DHX35: variants seen among roughly 807,000 people sequenced by gnomAD.
The protein encoded by DHX35 is DEAH-box helicase 35, also known as probable ATP-dependent RNA helicase DHX35.
In DHX35, 84 loss-of-function variants were observed where a neutral mutation model predicts 99.6. That is an observed-to-expected ratio of 0.84 (90% CI 0.71 to 1.01). DHX35 has a LOEUF of 1.01. DHX35 is among the 50% of genes least tolerant of loss of function. The pLI is 0.00. For missense variants in DHX35, 852 were observed against 888.5 expected (o/e 0.96, Z 0.52); for synonymous variants, 331 against 316.2 (o/e 1.05, Z -0.50).
intron 12 of DHX35, among the ~76,000 whole-genome samples, chr20:39,008,353 T>C (rs572016924): frequency 6.6e-6 from 1 of 152,396 alleles, no homozygotes; most frequent in East Asian, 1.9e-4. Flanking sequence ...TGCATGTACA[T>C]GTACTTGAGT....
In DHX35 at chr20:38,994,832, G is replaced by A. The variant is rs138439300; in HGVS notation, c.594G>A (p.Lys198=). The change falls in exon 8 of 22, where the codon AAG becomes AAA. Residue 198 remains lysine, a synonymous_variant. Coordinates refer to ENST00000252011, the MANE Select transcript of DHX35 (RefSeq NM_021931.4). ...AIGLLKKIQK[K]RGDLRLIVAS... ...GTCTTCTTTTTTAGATTCAGAAAAAGCGAGGGGATCTTCGATTGATTGTAG... is the reference window on the plus strand; with the variant it reads ...GTCTTCTTTTTTAGATTCAGAAAAAACGAGGGGATCTTCGATTGATTGTAG... 1,100 of 1,613,354 alleles carry A rather than the reference G, an allele frequency of 6.8e-4. 1 individual carries two copies. The highest frequency in any genetic ancestry group is 7.5e-4 in the Non-Finnish European group (889 of 1,179,600).
At chr20:38,981,264 C>G (rs759353810) in intron 3 of DHX35, among the ~76,000 whole-genome samples, 1 of 152,042 alleles carries the variant, frequency 6.6e-6, no homozygotes, top group East Asian at 1.9e-4. Context: ...TTTAGTATCC[C>G]CCTCAGTGGA....
Position 39,014,969 on chromosome 20 carries a change from T to C in DHX35, c.1402+35T>C, listed in dbSNP as rs771135154. 11 of 1,612,882 alleles carry C rather than the reference T, an allele frequency of 6.8e-6. No individual in the cohort carries two copies. In the South Asian group the frequency reaches 1.1e-4, roughly 16 times the overall value. The stretch of plus-strand genomic sequence containing the variant: ...TTTCTCTCATCATTCTCTCTTATTA[T>C]GTGTTGTCTTTTGTGATATTAGTGA... On this transcript the variant is annotated intron_variant, in intron 14 of 21. Transcript: ENST00000252011.
chr20:38,973,829 C>A (rs566740047), intron 3 of DHX35, among the ~76,000 whole-genome samples: 2 of 152,178 alleles, frequency 1.3e-5, no homozygotes, highest in Non-Finnish European at 2.9e-5. Context: ...AGAGACCCTA[C>A]GATCCTCAAA....
At chr20:38,994,441 T>G (rs2086392543) in intron 7 of DHX35, among the ~76,000 whole-genome samples, 1 of 152,200 alleles carries the variant, frequency 6.6e-6, no homozygotes, top group Non-Finnish European at 1.5e-5. Flanking sequence ...ATTTATTGTT[T>G]GTTTGCTTTT....
chr20:39,015,064 C>A, intron 14 of DHX35, 130 bp downstream of exon 14: 1 of 1,006,714 alleles, frequency 9.9e-7, no homozygotes, highest in South Asian at 1.4e-5. Flanking sequence ...ATATAATCCC[C>A]CTAATGATAC....
At chr20:39,034,357 C>CA in intron 21 of DHX35, 40 bp downstream of exon 21, 1 of 1,487,474 alleles carries the variant, frequency 6.7e-7, no homozygotes, top group Admixed American at 1.7e-5. Flanking sequence ...CACCTGTTCA[C>CA]AGCCTCTCCA....
chr20:39,028,986 G>A (rs147664460), intron 19 of DHX35, among the ~76,000 whole-genome samples: 87 of 152,252 alleles, frequency 5.7e-4, no homozygotes, highest in African/African-American at 2.0e-3. Flanking sequence ...GATTCTTCCA[G>A]TTCCATTTTC....
At chr20:39,020,934 A>G (rs1170440117) in intron 15 of DHX35, among the ~76,000 whole-genome samples, 1 of 152,082 alleles carries the variant, frequency 6.6e-6, no homozygotes, top group Non-Finnish European at 1.5e-5. Flanking sequence ...AAGTGCTGGG[A>G]TTACAGGTGT....
rs376370344 is a variant in DHX35, at chr20:38,988,377, C to T, written c.346-436C>T. 1.6e-4 allele frequency among the ~76,000 whole-genome samples: 24 copies of T among 152,272 alleles called. No homozygotes were observed. In the East Asian group the frequency reaches 4.2e-3, roughly 27 times the overall value. On this transcript the variant is annotated intron_variant, in intron 4 of 21. Coordinates refer to ENST00000252011, the MANE Select transcript of DHX35 (RefSeq NM_021931.4). ...GGGTGTGGTGGCTCACGCCTGTAAT[C>T]CCTGTACTTTGAGAGGCTGAGGCGG...
At chr20:39,030,611 C>A in intron 19 of DHX35, 93 bp from the exon 20 acceptor site, 2 of 1,202,220 alleles carry the variant, frequency 1.7e-6, no homozygotes, top group Non-Finnish European at 2.4e-6. Flanking sequence ...GTTCAGTCTG[C>A]ATGCTTTTTT....
chr20:38,997,050 ATTTATTTATT>A (rs1224012826), intron 8 of DHX35, among the ~76,000 whole-genome samples: 4 of 106,078 alleles, frequency 3.8e-5, no homozygotes, highest in African/African-American at 1.6e-4. Flanking sequence ...GATTCATTTT[ATTTATTTATT>A]TATTTATTTA....
chr20:38,986,362 T>A (rs2145864884), intron 4 of DHX35, among the ~76,000 whole-genome samples: 1 of 152,272 alleles, frequency 6.6e-6, no homozygotes, highest in South Asian at 2.1e-4. Flanking sequence ...AATAAAAATT[T>A]AAAAATAGAG....
At chr20:39,015,907 GTT>G (rs2086778531) in intron 14 of DHX35, among the ~76,000 whole-genome samples, 1 of 152,112 alleles carries the variant, frequency 6.6e-6, no homozygotes, top group African/African-American at 2.4e-5. Context: ...TCTATAGAGA[GTT>G]TTTATCTCTA....
intron 2 of DHX35, among the ~76,000 whole-genome samples, chr20:38,969,669 G>A (rs2145833065): frequency 6.6e-6 from 1 of 152,340 alleles, no homozygotes; most frequent in Non-Finnish European, 1.5e-5. Flanking sequence ...CTGAGACAGT[G>A]ACAGGATTTT....
At position 39,006,160 on chromosome 20, in the gene DHX35, C is replaced by T. The variant is rs2145904015; in HGVS notation, c.1026C>T (p.Thr342=). 2 of 1,613,400 alleles carry T rather than the reference C, an allele frequency of 1.2e-6. No individual in the cohort carries two copies. Among genetic ancestry groups the T allele is most frequent in the Non-Finnish European group, 1.7e-6 (2 of 1,179,528 alleles). Reference sequence around the variant, plus strand: ...GGGGAACGTAGGTGATAGTGGCCACCAATGTGGCAGAAACCTCTATCACAA... The same window carrying T: ...GGGGAACGTAGGTGATAGTGGCCACTAATGTGGCAGAAACCTCTATCACAA... ...SRSVRKVIVA[T]NVAETSITIS... is the part of the protein sequence containing the mutation. The change falls in exon 12 of 22, where the codon ACC becomes ACT. Residue 342 remains threonine (T), a synonymous_variant. Coordinates refer to ENST00000252011, the MANE Select transcript of DHX35 (RefSeq NM_021931.4).
At chr20:39,002,912 G>A (rs558072083) in intron 10 of DHX35, 44 bp downstream of exon 10, 7 of 1,499,086 alleles carry the variant, frequency 4.7e-6, no homozygotes, top group South Asian at 3.4e-5. Context: ...TGTTAAGACA[G>A]CACCAAAAGT....
At chr20:38,992,629 T>G (rs900738411) in intron 7 of DHX35, among the ~76,000 whole-genome samples, 2 of 151,776 alleles carry the variant, frequency 1.3e-5, no homozygotes, top group Non-Finnish European at 2.9e-5. Context: ...TGTGTGTGAG[T>G]GAGTGTGTGT....
At chr20:39,008,432 A>G (rs1400567925) in intron 12 of DHX35, among the ~76,000 whole-genome samples, 5 of 152,224 alleles carry the variant, frequency 3.3e-5, no homozygotes, top group Admixed American at 6.5e-5. Context: ...AAGGAGCTCA[A>G]GTTACTTTTA....
Sources: allele counts gnomAD v4.1 joint callset (sites outside exome capture counted in the v4.1 genomes callset), GRCh38; gene constraint gnomAD v4.1.1; transcripts MANE v1.5; gene names NCBI Gene and HGNC (gene_info 2026-07-23, HGNC 2026-07-21).